The following PODXL variants were observed in gnomAD, a reference collection of about 807,000 sequenced individuals.
The protein encoded by PODXL is podocalyxin like, also known as podocalyxin.
A neutral mutation model predicts 48.9 loss-of-function variants in PODXL; 20 were observed. The ratio of observed to expected loss-of-function variants is 0.41; its 90% confidence interval spans 0.29 to 0.59. The LOEUF (loss-of-function observed/expected upper bound fraction) is 0.59, where lower values mean the gene tolerates loss of function less well. Ranked by LOEUF, PODXL falls within the 20% of genes least tolerant of loss-of-function variation. The pLI, the probability that PODXL is intolerant of heterozygous loss-of-function variation, is 0.31. For synonymous variants in PODXL, 295 were observed against 287.4 expected (o/e 1.03, Z -0.27); for missense variants, 606 against 675.1 (o/e 0.90, Z 1.13).
At chr7:131,507,280 G>A (rs1028979383) in intron 5 of PODXL, among the ~76,000 whole-genome samples, 7 of 152,242 alleles carry the variant, frequency 4.6e-5, no homozygotes, top group Admixed American at 2.0e-4. Flanking sequence ...CTGAAGCCAC[G>A]GACAGGCTGA....
intron 1 of PODXL, among the ~76,000 whole-genome samples, chr7:131,514,889 G>A (rs911132381): frequency 6.6e-6 from 1 of 152,154 alleles, no homozygotes; most frequent in Non-Finnish European, 1.5e-5. Flanking sequence ...GATTACAGGT[G>A]TGAGCCATGG....
chr7:131,544,656 TACGCAC>T (rs1798541390), intron 1 of PODXL, among the ~76,000 whole-genome samples: 2 of 20,872 alleles, frequency 9.6e-5, no homozygotes, highest in Admixed American at 2.4e-3. Flanking sequence ...CGCCCTGTAC[TACGCAC>T]GCACGCCCTG....
chr7:131,518,373 C>A (rs772942774), intron 1 of PODXL, among the ~76,000 whole-genome samples: 1 of 152,134 alleles, frequency 6.6e-6, no homozygotes, highest in Admixed American at 6.5e-5. Flanking sequence ...AAGAATCAAG[C>A]GTAAGTCAGA....
rs1278959141 is a variant in PODXL, at chr7:131,502,592, C to T, written c.*1719G>A. 1 of 152,170 alleles carries T rather than the reference C, an allele frequency of 6.6e-6. No homozygotes were observed. The highest frequency in any genetic ancestry group is 1.5e-5 in the Non-Finnish European group (1 of 68,060). The allele number at this position is 152,170 out of a possible 1,614,324, so 9.4% of individuals were successfully genotyped here. ...TACAGCCGGAGCCTGACTCTTAAGA[C>T]CCTGGAGGTGTGGCGTTTCACCCGA... On this transcript the variant is annotated 3_prime_UTR_variant, in exon 9 of 9. Coordinates refer to ENST00000378555, the MANE Select transcript of PODXL (RefSeq NM_001018111.3).
At chr7:131,539,866 G>C (rs1798446793) in intron 1 of PODXL, among the ~76,000 whole-genome samples, 1 of 152,126 alleles carries the variant, frequency 6.6e-6, no homozygotes, top group Non-Finnish European at 1.5e-5. Flanking sequence ...GGAACTTTCT[G>C]TAAATCCACC....
intron 1 of PODXL, among the ~76,000 whole-genome samples, chr7:131,521,945 A>T (rs1385664014): frequency 6.6e-6 from 1 of 152,314 alleles, no homozygotes; most frequent in East Asian, 1.9e-4. Context: ...GCAGCCAGGG[A>T]AGAGAATAGG....
chr7:131,554,935 A>T (rs1584838484), intron 1 of PODXL, among the ~76,000 whole-genome samples: 1 of 151,932 alleles, frequency 6.6e-6, no homozygotes, highest in East Asian at 1.9e-4. Context: ...AGCTGTTCTG[A>T]CTGTTCCTCA....
intron 1 of PODXL, among the ~76,000 whole-genome samples, chr7:131,546,095 C>A (rs979144656): frequency 2.0e-5 from 3 of 152,232 alleles, no homozygotes; most frequent in African/African-American, 7.2e-5. Context: ...CCCATGCCCT[C>A]CCTTTCCTGA....
At chr7:131,528,126 C>T (rs775068269) in intron 1 of PODXL, among the ~76,000 whole-genome samples, 9 of 151,848 alleles carry the variant, frequency 5.9e-5, no homozygotes, top group African/African-American at 1.7e-4. Flanking sequence ...AAACTCCTGA[C>T]CTCAAGTGAT....
At chr7:131,537,479 C>G (rs1798394770) in intron 1 of PODXL, among the ~76,000 whole-genome samples, 1 of 152,104 alleles carries the variant, frequency 6.6e-6, no homozygotes, top group South Asian at 2.1e-4. Flanking sequence ...CTCAGCTACG[C>G]AGGAGGCTGG....
In PODXL at chr7:131,511,234, T is replaced by G; in HGVS notation, c.300A>C (p.Ser100=). 1.2e-6 allele frequency: 2 copies of G among 1,614,076 alleles called. No homozygotes were observed. Among genetic ancestry groups the G allele is most frequent in the Non-Finnish European group, 1.7e-6 (2 of 1,179,990 alleles). ...PGTTTLAQQV[S]GPVNTTVARG... is the part of the protein sequence containing the mutation. ...TAGCCACGGTAGTGTTGACTGGGCCTGAGACTTGCTGAGCCAGGGTTGTAG... is the reference window on the plus strand; with the variant it reads ...TAGCCACGGTAGTGTTGACTGGGCCGGAGACTTGCTGAGCCAGGGTTGTAG... The change falls in exon 2 of 9, where the codon TCA becomes TCC. Residue 100 remains serine, a synonymous_variant. Transcript: ENST00000378555.
chr7:131,505,889 G>A lies in PODXL; in HGVS notation c.1458C>T (p.Arg486=). ...VAALYGCCHQ[R]LSQRKDQQRL... ...TTACCTGGTCCTTCCTCTGGGAGAGGCGCTGGTGGCAGCAGCCATAGAGGG... is the reference window on the plus strand; with the variant it reads ...TTACCTGGTCCTTCCTCTGGGAGAGACGCTGGTGGCAGCAGCCATAGAGGG... The change falls in exon 8 of 9, where the codon CGC becomes CGT. Residue 486 remains arginine, a synonymous_variant. Coordinates refer to ENST00000378555, the MANE Select transcript of PODXL (RefSeq NM_001018111.3). 1 of 1,568,402 alleles carries A rather than the reference G, an allele frequency of 6.4e-7. No homozygotes were observed. The highest frequency in any genetic ancestry group is 8.6e-7 in the Non-Finnish European group (1 of 1,156,658).
rs769499844 is a variant in PODXL, at chr7:131,506,287, C to T, written c.1284G>A (p.Leu428=). 1.6e-5 allele frequency: 26 copies of T among 1,614,226 alleles called. No individual in the cohort carries two copies. The Admixed American group carries it at 4.0e-4, about 25-fold the overall frequency. The stretch of plus-strand genomic sequence containing the variant: ...CCTTTAGTTCATCCCATTTGTCCTT[C>T]AGCCGCTCGTACACATCCTTGGCAG... ...KLPAKDVYER[L]KDKWDELKEA... Residue 428 remains leucine, a synonymous_variant, in exon 7 of 9, where the codon CTG becomes CTA. Coordinates refer to ENST00000378555, the MANE Select transcript of PODXL (RefSeq NM_001018111.3).
chr7:131,546,451 C>T (rs578157475), intron 1 of PODXL, among the ~76,000 whole-genome samples: 9 of 152,166 alleles, frequency 5.9e-5, no homozygotes, highest in South Asian at 2.1e-4. Context: ...TTGGGCCGGG[C>T]GCTGTGGCTC....
intron 1 of PODXL, among the ~76,000 whole-genome samples, chr7:131,515,524 C>T (rs747040922): frequency 8.6e-5 from 13 of 152,038 alleles, no homozygotes; most frequent in Non-Finnish European, 1.5e-4. Context: ...GCCTCAGCCT[C>T]CCAAGTAGCT....
At chr7:131,545,847 G>T (rs1030146) in intron 1 of PODXL, among the ~76,000 whole-genome samples, 63,408 of 152,130 alleles carry the variant, frequency 0.42, 14,339 homozygotes, top group East Asian at 0.7. Context: ...ATTACGAAAT[G>T]TTCTTACTGG....
intron 1 of PODXL, among the ~76,000 whole-genome samples, chr7:131,534,079 C>T (rs576281577): frequency 5.3e-5 from 8 of 152,248 alleles, no homozygotes; most frequent in South Asian, 2.1e-4. Context: ...GTTAGAGCCG[C>T]GCAGCCCACC....
At chr7:131,528,813 C>T (rs530042772) in intron 1 of PODXL, among the ~76,000 whole-genome samples, 15 of 152,132 alleles carry the variant, frequency 9.9e-5, no homozygotes, top group South Asian at 4.2e-4. Flanking sequence ...ATCTTTGTAA[C>T]GCAAGGATTC....
At chr7:131,555,974 A>G (rs1358126438) in intron 1 of PODXL, among the ~76,000 whole-genome samples, 4 of 152,082 alleles carry the variant, frequency 2.6e-5, no homozygotes, top group Non-Finnish European at 5.9e-5. Flanking sequence ...TCCCATGCAA[A>G]CCCACTTAGC....
Sources: gnomAD v4.1 joint callset for allele counts (sites outside exome capture counted in the v4.1 genomes callset) on GRCh38, gnomAD v4.1.1 for gene constraint, MANE v1.5 for transcripts, NCBI Gene and HGNC (gene_info 2026-07-23, HGNC 2026-07-21) for gene names.